SCLT1: variants seen among roughly 807,000 people sequenced by gnomAD.
SCLT1 encodes sodium channel and clathrin linker 1.
Under a neutral mutation model 112.8 loss-of-function variants are expected in SCLT1, and 78 were observed. The observed-to-expected ratio is 0.69, with a 90% CI of 0.58 to 0.83. The LOEUF (loss-of-function observed/expected upper bound fraction) is 0.83. SCLT1 is among the 40% of genes least tolerant of loss of function. The pLI, the probability that SCLT1 is intolerant of heterozygous loss-of-function variation, is 0.00. For missense variants in SCLT1, 747 were observed against 770.4 expected, an observed-to-expected ratio of 0.97 and a Z score of 0.36; for synonymous variants, 257 against 254.7, an observed-to-expected ratio of 1.01 and a Z score of -0.09.
At chr4:129,088,998 C>T (rs1752620582) in intron 1 of SCLT1, among the ~76,000 whole-genome samples, 1 of 152,162 alleles carries the variant, frequency 6.6e-6, no homozygotes, top group South Asian at 2.1e-4. Context: ...CCAAAACTGA[C>T]AAATAGGGTC....
At chr4:129,070,428 A>G (rs1035436641) in intron 2 of SCLT1, among the ~76,000 whole-genome samples, 1 of 151,932 alleles carries the variant, frequency 6.6e-6, no homozygotes, top group South Asian at 2.1e-4. Flanking sequence ...TACCACTTCA[A>G]TCTCGCTGCT....
downstream of SCLT1, among the ~76,000 whole-genome samples, chr4:128,881,811 T>C (rs1441690224): frequency 2.0e-5 from 3 of 152,172 alleles, no homozygotes; most frequent in African/African-American, 7.2e-5. Flanking sequence ...TTAACAAACT[T>C]TTCTGAAAAG....
intron 18 of SCLT1, among the ~76,000 whole-genome samples, chr4:128,894,363 A>AACACACACACACAC (rs10522940): frequency 1.4e-5 from 2 of 143,018 alleles, no homozygotes; most frequent in African/African-American, 5.1e-5. Context: ...TTGAGTAAGT[A>AACACACACACACAC]ACACACACAC....
At chr4:128,936,495 A>G (rs547141932) in intron 18 of SCLT1, among the ~76,000 whole-genome samples, 160 bp downstream of exon 18, 1 of 152,370 alleles carries the variant, frequency 6.6e-6, no homozygotes, top group East Asian at 1.9e-4. Context: ...GCTTTGGTTT[A>G]TGACATAATA....
chr4:128,967,299 A>C (rs985274523), intron 10 of SCLT1, among the ~76,000 whole-genome samples: 1 of 152,158 alleles, frequency 6.6e-6, no homozygotes, highest in African/African-American at 2.4e-5. Context: ...GTTATTGTGA[A>C]TAGTGCTGTG....
intron 1 of SCLT1, among the ~76,000 whole-genome samples, chr4:129,084,866 A>G (rs971379672): frequency 6.6e-6 from 1 of 152,180 alleles, no homozygotes; most frequent in African/African-American, 2.4e-5. Context: ...TATATAAATA[A>G]TAACTCAAGA....
intron 20 of SCLT1, among the ~76,000 whole-genome samples, chr4:128,887,898 G>T (rs1358044112): frequency 6.6e-6 from 1 of 152,152 alleles, no homozygotes; most frequent in Non-Finnish European, 1.5e-5. Context: ...AACAAAGTTA[G>T]TGAAATTTGA....
intron 8 of SCLT1, among the ~76,000 whole-genome samples, chr4:128,995,522 C>T (rs1385922150): frequency 1.3e-5 from 2 of 152,080 alleles, no homozygotes; most frequent in African/African-American, 4.8e-5. Flanking sequence ...TTTGTGCTCA[C>T]GTCCGTACAT....
intron 2 of SCLT1, among the ~76,000 whole-genome samples, chr4:129,055,927 T>C (rs1005354968): frequency 6.6e-6 from 1 of 152,130 alleles, no homozygotes; most frequent in Non-Finnish European, 1.5e-5. Flanking sequence ...AAAGTCCTGG[T>C]GGTGTAGGCA....
rs137925551 is a variant in SCLT1 at position 129,038,469 on chromosome 4, A to C, written c.290+572T>G. 7.2e-3 allele frequency among the ~76,000 whole-genome samples: 1,100 copies of C among 152,308 alleles called. 14 individuals are homozygous for C. The highest frequency in any genetic ancestry group is 0.025 in the African/African-American group (1,036 of 41,572). On this transcript the variant is annotated intron_variant, in intron 5 of 20. Coordinates refer to ENST00000281142, the MANE Select transcript of SCLT1 (RefSeq NM_144643.4). ...ATACCGTTTTTATACAGTCTTTAAA[A>C]ATGTAAAACTAAAAAGTATATCGCT...
At chr4:128,980,478 A>G (rs1741549534) in intron 9 of SCLT1, among the ~76,000 whole-genome samples, 1 of 152,352 alleles carries the variant, frequency 6.6e-6, no homozygotes, top group East Asian at 1.9e-4. Flanking sequence ...TTAATATGAT[A>G]GAGCAATACT....
intron 11 of SCLT1, among the ~76,000 whole-genome samples, chr4:128,960,780 C>A (rs1484331137): frequency 4.6e-5 from 7 of 150,882 alleles, no homozygotes; most frequent in Non-Finnish European, 5.9e-5. Flanking sequence ...ATTAGCCGGG[C>A]TCGGTGGCGG....
chr4:129,015,658 G>A (rs1238247232), intron 5 of SCLT1, among the ~76,000 whole-genome samples: 1 of 152,136 alleles, frequency 6.6e-6, no homozygotes, highest in Non-Finnish European at 1.5e-5. Context: ...ACTTCTCTAG[G>A]AATCTCTCCC....
At position 128,959,772 on chromosome 4, in the gene SCLT1, C is replaced by T. The variant is rs1009259114; in HGVS notation, c.875G>A (p.Cys292Tyr). ...SSIKQLEIRL[C>Y]VTIQEANQLR... is the part of the protein sequence containing the mutation. Reference sequence around the variant, plus strand: ...TTGGTTGGCTTCTTGGATTGTCACACATAATCTAGAAATCAATAATTACAC... The same window carrying T: ...TTGGTTGGCTTCTTGGATTGTCACATATAATCTAGAAATCAATAATTACAC... Residue 292 changes from cysteine (C) to tyrosine (Y), a missense_variant, in exon 12 of 21, where the codon TGT becomes TAT. This residue lies in a region of SCLT1 where 723 missense variants were observed against 721.3 expected (regional missense o/e 1.00). Coordinates refer to ENST00000281142, the MANE Select transcript of SCLT1 (RefSeq NM_144643.4). The T allele has an allele frequency of 1.4e-5, 22 of 1,611,400 alleles. No homozygotes were observed. Among genetic ancestry groups the T allele is most frequent in the Non-Finnish European group, 1.8e-5 (21 of 1,178,850 alleles).
chr4:128,875,547 T>C (rs1218132661), intron 4 of SCLT1, among the ~76,000 whole-genome samples: 1 of 152,208 alleles, frequency 6.6e-6, no homozygotes, highest in African/African-American at 2.4e-5. Flanking sequence ...TAAACTATAG[T>C]TTACCAGGCA....
intron 13 of SCLT1, among the ~76,000 whole-genome samples, chr4:128,955,463 A>G (rs1285362938): frequency 6.6e-6 from 1 of 152,198 alleles, no homozygotes; most frequent in Non-Finnish European, 1.5e-5. Flanking sequence ...GAAATAAAGT[A>G]TTTTCATATT....
chr4:128,923,048 C>A (rs1005937157), intron 18 of SCLT1, among the ~76,000 whole-genome samples: 1 of 152,146 alleles, frequency 6.6e-6, no homozygotes, highest in South Asian at 2.1e-4. Context: ...TTAAAATCAA[C>A]CTCATTGGGA....
At chr4:129,060,512 T>A (rs1218311738) in intron 2 of SCLT1, among the ~76,000 whole-genome samples, 1 of 152,192 alleles carries the variant, frequency 6.6e-6, no homozygotes, top group Non-Finnish European at 1.5e-5. Flanking sequence ...TGGGCTTTAG[T>A]GTACCAGTTG....
chr4:128,988,876 G>A (rs1742326180), intron 9 of SCLT1, among the ~76,000 whole-genome samples: 1 of 151,822 alleles, frequency 6.6e-6, no homozygotes, highest in South Asian at 2.1e-4. Context: ...ATTGTAAAGA[G>A]AGTCAAAAAT....
Sources: allele counts gnomAD v4.1 joint callset (sites outside exome capture counted in the v4.1 genomes callset), GRCh38; gene constraint gnomAD v4.1.1; regional missense constraint gnomAD v4.1.1; transcripts MANE v1.5; gene names NCBI Gene and HGNC (gene_info 2026-07-23, HGNC 2026-07-21).